Variants in PRELID2 observed in about 807,000 individuals in gnomAD.
PRELID2 encodes the protein PRELI domain-containing protein 2.
Under a neutral mutation model 28.4 loss-of-function variants are expected in PRELID2, and 25 were observed. The observed-to-expected ratio is 0.88, with a 90% confidence interval of 0.64 to 1.23. The LOEUF (loss-of-function observed/expected upper bound fraction) is 1.23. Among genes scored for constraint, PRELID2 ranks in the 50% most tolerant of loss-of-function variants. The pLI is 0.00. For synonymous variants in PRELID2, 76 were observed against 71.6 expected (o/e 1.06, Z -0.31); for missense variants, 201 against 214.4 (o/e 0.94, Z 0.39).
intron 1 of PRELID2, among the ~76,000 whole-genome samples, chr5:145,613,350 T>G (rs1753648770): frequency 1.3e-5 from 2 of 151,814 alleles, no homozygotes; most frequent in African/African-American, 4.8e-5. Context: ...AACATGCAGG[T>G]TTGTTACATA....
chr5:145,420,233 A>G, the PRELID2 span, among the ~76,000 whole-genome samples: 1 of 152,210 alleles, frequency 6.6e-6, no homozygotes, highest in East Asian at 1.9e-4. Context: ...TTAGTTCCAT[A>G]TGAACTTTAA....
the PRELID2 span, among the ~76,000 whole-genome samples, chr5:145,293,506 C>A: frequency 6.6e-6 from 1 of 152,098 alleles, no homozygotes; most frequent in Non-Finnish European, 1.5e-5. Flanking sequence ...TAATATAAGG[C>A]AGAATAGGCA....
the PRELID2 span, among the ~76,000 whole-genome samples, chr5:145,401,031 A>G: frequency 1.3e-5 from 2 of 152,056 alleles, no homozygotes; most frequent in African/African-American, 4.8e-5. Context: ...CTCTGAAAAG[A>G]GCCAGAAAAT....
At chr5:145,482,138 G>T (rs1403865986) in intron 1 of PRELID2, among the ~76,000 whole-genome samples, 1 of 152,062 alleles carries the variant, frequency 6.6e-6, no homozygotes, top group African/African-American at 2.4e-5. Context: ...TAGCTGTTGT[G>T]CTATGTGCTT....
the PRELID2 span, among the ~76,000 whole-genome samples, chr5:145,316,161 T>C: frequency 6.6e-6 from 1 of 152,212 alleles, no homozygotes; most frequent in Non-Finnish European, 1.5e-5. Flanking sequence ...GTCTGTATAT[T>C]GCTGTTGGTT....
chr5:145,605,231 T>C (rs1753486995), intron 1 of PRELID2, among the ~76,000 whole-genome samples: 1 of 152,148 alleles, frequency 6.6e-6, no homozygotes, highest in Admixed American at 6.6e-5. Context: ...GATGTCTTCC[T>C]CATAAAATAT....
At chr5:145,515,683 G>A (rs13176474) in intron 1 of PRELID2, among the ~76,000 whole-genome samples, 32,463 of 151,794 alleles carry the variant, frequency 0.21, 3,957 homozygotes, top group South Asian at 0.36. Context: ...GCAGAGACAA[G>A]AAAACAACAA....
chr5:145,423,821 A>G, the PRELID2 span, among the ~76,000 whole-genome samples: 1 of 135,512 alleles, frequency 7.4e-6, no homozygotes. Flanking sequence ...TCTGCTTTTT[A>G]GAGTTTCCAG....
the PRELID2 span, among the ~76,000 whole-genome samples, chr5:145,371,253 T>C: frequency 6.6e-6 from 1 of 152,180 alleles, no homozygotes; most frequent in Non-Finnish European, 1.5e-5. Context: ...TGTGTATTTG[T>C]CATAAATAGC....
intron 1 of PRELID2, among the ~76,000 whole-genome samples, chr5:145,692,777 A>C (rs941440948): frequency 1.3e-5 from 2 of 152,212 alleles, no homozygotes; most frequent in Admixed American, 6.5e-5. Context: ...GTTTGGCTTC[A>C]AGTGCACTCC....
intron 1 of PRELID2, among the ~76,000 whole-genome samples, chr5:145,594,577 T>C (rs28604887): frequency 0.11 from 16,613 of 152,106 alleles, 2,443 homozygotes; most frequent in African/African-American, 0.34. Context: ...GTATTATACA[T>C]AAAACCAAAA....
At chr5:145,625,167 C>T (rs939855119) in intron 1 of PRELID2, among the ~76,000 whole-genome samples, 1 of 152,030 alleles carries the variant, frequency 6.6e-6, no homozygotes, top group African/African-American at 2.4e-5. Context: ...TGTCATTACC[C>T]TTCAAAGATG....
the PRELID2 span, among the ~76,000 whole-genome samples, chr5:145,351,231 C>T: frequency 6.6e-6 from 1 of 152,124 alleles, no homozygotes; most frequent in Non-Finnish European, 1.5e-5. Flanking sequence ...TGTTCTCACA[C>T]TGCTATGAAG....
chr5:145,720,046 G>T (rs1249343154), intron 1 of PRELID2, among the ~76,000 whole-genome samples: 2 of 151,178 alleles, frequency 1.3e-5, no homozygotes, highest in Non-Finnish European at 3.0e-5. Flanking sequence ...AAGAAAAGCA[G>T]AAAAATGAGA....
intron 5 of PRELID2, among the ~76,000 whole-genome samples, chr5:145,774,361 C>T (rs1440698125): frequency 6.6e-6 from 1 of 152,206 alleles, no homozygotes; most frequent in Non-Finnish European, 1.5e-5. Flanking sequence ...GAATGTGTTT[C>T]TGTGCCTGAA....
At chr5:145,610,439 G>A (rs1448682607) in intron 1 of PRELID2, among the ~76,000 whole-genome samples, 1 of 150,930 alleles carries the variant, frequency 6.6e-6, no homozygotes, top group Non-Finnish European at 1.5e-5. Flanking sequence ...TTCAGGTTAA[G>A]AGAAAAGATC....
the PRELID2 span, among the ~76,000 whole-genome samples, chr5:145,415,404 G>T: frequency 2.0e-5 from 3 of 151,438 alleles, no homozygotes; most frequent in Non-Finnish European, 4.4e-5. Context: ...TTAGCATTAG[G>T]TATATCACCT....
intron 1 of PRELID2, among the ~76,000 whole-genome samples, chr5:145,546,491 T>C (rs1752789735): frequency 1.3e-5 from 2 of 152,176 alleles, no homozygotes; most frequent in South Asian, 4.1e-4. Flanking sequence ...AACAAGGCTA[T>C]GTGGAAATTC....
chr5:145,769,519 T>C (rs989150840), intron 5 of PRELID2, among the ~76,000 whole-genome samples: 11 of 152,224 alleles, frequency 7.2e-5, no homozygotes, highest in Non-Finnish European at 1.6e-4. Context: ...ATAAAACTAA[T>C]CCTTCCTTGA....
Sources: gnomAD v4.1 joint callset for allele counts (sites outside exome capture counted in the v4.1 genomes callset) on GRCh38, gnomAD v4.1.1 for gene constraint, MANE v1.5 for transcripts, NCBI Gene and HGNC (gene_info 2026-07-23, HGNC 2026-07-21) for gene names.